Variants in IGSF11 observed in about 807,000 individuals in gnomAD.
IGSF11 encodes immunoglobulin superfamily member 11, also known as CXADR like 1.
In IGSF11, 22 loss-of-function variants were observed where a neutral mutation model predicts 41.0. The observed-to-expected ratio is 0.54, with a 90% CI of 0.38 to 0.77. The LOEUF (loss-of-function observed/expected upper bound fraction) is 0.77. IGSF11 is among the 30% of genes least tolerant of loss of function. The probability of loss-of-function intolerance (pLI) is 0.00; values close to 1 mark genes in which losing one functional copy is unlikely to be tolerated. For missense variants in IGSF11, 444 were observed against 530.8 expected (o/e 0.84, Z 1.61); for synonymous variants, 219 against 201.3 (o/e 1.09, Z -0.74).
Position 119,023,757 on chromosome 3 carries a change from C to A in IGSF11, c.52+10774G>T, listed in dbSNP as rs137891435. On this transcript the variant is annotated intron_variant, in intron 1 of 6. Transcript: ENST00000393775. ...GGACTTCACTACTCTCCACTCAAGTCGAAGAAAAAGCTAACATGCCGACCC... is the reference window on the plus strand; with the variant it reads ...GGACTTCACTACTCTCCACTCAAGTAGAAGAAAAAGCTAACATGCCGACCC... Among the ~76,000 whole-genome samples the A allele has an allele frequency of 3.9e-5, 6 of 152,182 alleles. No individual in the cohort carries two copies. The East Asian group carries it at 1.2e-3, about 29-fold the overall frequency.
intron 1 of IGSF11, among the ~76,000 whole-genome samples, chr3:119,053,461 G>A (rs1269323909): frequency 6.6e-6 from 1 of 152,098 alleles, no homozygotes; most frequent in Non-Finnish European, 1.5e-5. Flanking sequence ...CCTAACCAAG[G>A]AAATGAAAGA....
chr3:119,034,950 G>T, upstream of IGSF11: 1 of 609,304 alleles, frequency 1.6e-6, no homozygotes, highest in Non-Finnish European at 2.1e-6. Flanking sequence ...GCCCCGCTTG[G>T]TCTCCAGGGC....
intron 1 of IGSF11, among the ~76,000 whole-genome samples, chr3:118,944,597 C>T (rs1943976968): frequency 6.6e-6 from 1 of 152,080 alleles, no homozygotes; most frequent in Non-Finnish European, 1.5e-5. Context: ...GCCCTCATGA[C>T]ACCCTGTACT....
At position 118,914,495 on chromosome 3, in the gene IGSF11, G is replaced by T. The variant is rs978384803; in HGVS notation, c.581-8777C>A. On this transcript the variant is annotated intron_variant, in intron 4 of 6. Coordinates refer to ENST00000393775, the MANE Select transcript of IGSF11 (RefSeq NM_001015887.3). ...TTTCCGAGTCAAAGAAAGGGGTGAC[G>T]GACGCACCTGGAAAATCGGGTCACT... Among the ~76,000 whole-genome samples, 5 of 151,454 alleles carry T rather than the reference G, an allele frequency of 3.3e-5. No homozygotes were observed. The East Asian group carries it at 7.8e-4, about 24-fold the overall frequency.
intron 1 of IGSF11, among the ~76,000 whole-genome samples, chr3:118,976,361 T>A (rs189706832): frequency 3.3e-5 from 5 of 152,344 alleles, no homozygotes; most frequent in African/African-American, 9.6e-5. Context: ...CTTGAAGCTA[T>A]CTTTTCTAGT....
intron 4 of IGSF11, among the ~76,000 whole-genome samples, chr3:118,920,809 T>C (rs1320962156): frequency 6.6e-6 from 1 of 152,158 alleles, no homozygotes; most frequent in East Asian, 1.9e-4. Context: ...GCTAAAGATA[T>C]AGCATATTGA....
At chr3:118,960,863 T>C (rs951513866) in intron 1 of IGSF11, among the ~76,000 whole-genome samples, 6 of 152,226 alleles carry the variant, frequency 3.9e-5, no homozygotes, top group Non-Finnish European at 8.8e-5. Context: ...ATATAGTTGA[T>C]TTAATCATCC....
At chr3:119,068,703 C>A (rs1942304599) in intron 1 of IGSF11, among the ~76,000 whole-genome samples, 1 of 152,048 alleles carries the variant, frequency 6.6e-6, no homozygotes, top group Admixed American at 6.6e-5. Flanking sequence ...TGATCTCTGC[C>A]AAACTGCTTT....
intron 1 of IGSF11, among the ~76,000 whole-genome samples, chr3:119,104,905 G>C (rs575592313): frequency 1.5e-4 from 23 of 152,108 alleles, no homozygotes; most frequent in Non-Finnish European, 3.1e-4. Flanking sequence ...CATTCTCAAC[G>C]TTAAGAATTC....
intron 1 of IGSF11, among the ~76,000 whole-genome samples, chr3:118,950,042 A>C (rs1379070545): frequency 6.6e-6 from 1 of 152,224 alleles, no homozygotes; most frequent in Non-Finnish European, 1.5e-5. Flanking sequence ...AAAGAGGGAA[A>C]ATATAAAGAA....
chr3:119,117,325 TAC>T (rs2077271958), intron 1 of IGSF11, among the ~76,000 whole-genome samples: 1 of 152,136 alleles, frequency 6.6e-6, no homozygotes, highest in Admixed American at 6.5e-5. Flanking sequence ...TTAATGGACT[TAC>T]AGTTCCACTG....
chr3:119,111,679 G>A (rs2077163878), intron 1 of IGSF11, among the ~76,000 whole-genome samples: 2 of 152,200 alleles, frequency 1.3e-5, no homozygotes, highest in South Asian at 4.1e-4. Flanking sequence ...GCTTTTTAGA[G>A]TTTCCAGTTT....
At chr3:119,092,511 G>A (rs532758382) in intron 1 of IGSF11, among the ~76,000 whole-genome samples, 1 of 152,140 alleles carries the variant, frequency 6.6e-6, no homozygotes, top group South Asian at 2.1e-4. Context: ...TGTACTTTTA[G>A]TAGAGACGTG....
At chr3:119,132,414 G>A (rs866275860) in intron 1 of IGSF11, among the ~76,000 whole-genome samples, 1 of 142,822 alleles carries the variant, frequency 7.0e-6, no homozygotes, top group Non-Finnish European at 1.5e-5. Context: ...AAAAGCAGGG[G>A]TTGCGATCCT....
chr3:118,913,033 C>T (rs1940539197), intron 4 of IGSF11, among the ~76,000 whole-genome samples: 1 of 150,920 alleles, frequency 6.6e-6, no homozygotes, highest in Non-Finnish European at 1.5e-5. Flanking sequence ...AAAATAAATT[C>T]AAAACTCAAT....
At chr3:119,092,869 G>A (rs1414466812) in intron 1 of IGSF11, among the ~76,000 whole-genome samples, 2 of 152,106 alleles carry the variant, frequency 1.3e-5, no homozygotes, top group Non-Finnish European at 2.9e-5. Context: ...ACAGTACTCA[G>A]TACAGTAACA....
intron 1 of IGSF11, among the ~76,000 whole-genome samples, chr3:118,974,175 G>A (rs188167509): frequency 1.4e-4 from 21 of 152,206 alleles, no homozygotes; most frequent in Admixed American, 2.6e-4. Context: ...GAGATAAAGT[G>A]GGTTGGTCTC....
chr3:119,013,147 T>C (rs1468228049), intron 1 of IGSF11: 2 of 152,240 alleles, frequency 1.3e-5, no homozygotes, highest in Non-Finnish European at 2.9e-5. Context: ...CTTCCTGAAC[T>C]TCTATGGAGT....
chr3:119,053,837 G>GA (rs1364993819), intron 1 of IGSF11, among the ~76,000 whole-genome samples: 1 of 152,128 alleles, frequency 6.6e-6, no homozygotes, highest in African/African-American at 2.4e-5. Context: ...CAATGGAACA[G>GA]AAAAGAGAAC....
Sources: gnomAD v4.1 joint callset for allele counts (sites outside exome capture counted in the v4.1 genomes callset) on GRCh38, gnomAD v4.1.1 for gene constraint, MANE v1.5 for transcripts, NCBI Gene and HGNC (gene_info 2026-07-23, HGNC 2026-07-21) for gene names.